Variants in SPON2 observed in about 807,000 individuals in gnomAD.
The protein encoded by SPON2 is spondin 2.
In SPON2, 32 loss-of-function variants were observed where a neutral mutation model predicts 29.9. That is an observed-to-expected ratio of 1.07 (90% CI 0.81 to 1.44). The LOEUF (loss-of-function observed/expected upper bound fraction) is 1.44. Ranked by LOEUF, SPON2 falls within the 40% of genes most tolerant of loss-of-function variation. The pLI is 0.00. For missense variants in SPON2, 541 were observed against 455.5 expected, an observed-to-expected ratio of 1.19 and a Z score of -1.71; for synonymous variants, 248 against 209.1, an observed-to-expected ratio of 1.19 and a Z score of -1.61.
chr4:1,175,230 G>A (rs1206720142), upstream of SPON2, among the ~76,000 whole-genome samples: 4 of 152,364 alleles, frequency 2.6e-5, no homozygotes, highest in Middle Eastern at 3.4e-3. Context: ...GGAAGGAGGC[G>A]CCGGGTCTGG....
At position 1,192,822 on chromosome 4, in the gene SPON2, A is replaced by G. The variant is rs1327317212; in HGVS notation, c.-239+2168T>C. On this transcript the variant is annotated intron_variant, in intron 1 of 3. Transcript: ENST00000502483. ...GGCCAAGGAGAGGCTTGCTGAGGCC[A>G]CGGCCCAGCATCAAGCCCTCACATC... Among the ~76,000 whole-genome samples, 3 of 152,282 alleles carry G rather than the reference A, an allele frequency of 2.0e-5. No homozygotes were observed. The East Asian group carries it at 5.8e-4, about 29-fold the overall frequency.
At chr4:1,169,014 G>T (rs557492228) in intron 5 of SPON2, among the ~76,000 whole-genome samples, 2 of 152,272 alleles carry the variant, frequency 1.3e-5, no homozygotes, top group East Asian at 3.9e-4. Flanking sequence ...GGCACAGCTG[G>T]CTCTGTCCGT....
At chr4:1,190,743 T>C (rs1727896061) in intron 1 of SPON2, among the ~76,000 whole-genome samples, 1 of 152,196 alleles carries the variant, frequency 6.6e-6, no homozygotes, top group Non-Finnish European at 1.5e-5. Context: ...ACATTGGAGC[T>C]GAGAAATGAG....
At chr4:1,173,577 A>C (rs1418573977), upstream of SPON2, among the ~76,000 whole-genome samples, 1 of 152,240 alleles carries the variant, frequency 6.6e-6, no homozygotes, top group African/African-American at 2.4e-5. Flanking sequence ...ATCTGGAAAC[A>C]GAGCGGAGGA....
chr4:1,205,563 G>C (rs541312824), intron 1 of SPON2, among the ~76,000 whole-genome samples: 19 of 142,586 alleles, frequency 1.3e-4, no homozygotes, highest in African/African-American at 4.6e-4. Flanking sequence ...CCTGTCCCCA[G>C]AGGCCCCATC....
chr4:1,167,574 G>C lies in SPON2; in HGVS notation c.894C>G (p.Thr298=), dbSNP rs984752290. 5.6e-6 allele frequency: 9 copies of C among 1,613,450 alleles called. No individual in the cohort carries two copies. The highest frequency in any genetic ancestry group is 2.7e-5 in the African/African-American group (2 of 74,946). The part of the protein sequence containing the change: ...LCGGHCGRLG[T]KSRTRYVRVQ... Reference sequence around the variant, plus strand: ...CCCGGACGTAGCGAGTCCTGCTCTTGGTCCCGAGCCTCCCACAGTGGCCTC... The same window carrying C: ...CCCGGACGTAGCGAGTCCTGCTCTTCGTCCCGAGCCTCCCACAGTGGCCTC... Residue 298 remains threonine (T), a synonymous_variant, in exon 6 of 6, where the codon ACC becomes ACG. Transcript: ENST00000290902.
upstream of SPON2, among the ~76,000 whole-genome samples, chr4:1,178,089 G>A (rs370739339): frequency 4.6e-4 from 69 of 151,124 alleles, no homozygotes; most frequent in East Asian, 0.011. Flanking sequence ...CAGACACCAC[G>A]GGCTCTGCAC....
At chr4:1,170,795 C>G in intron 4 of SPON2, 1 of 952,942 alleles carries the variant, frequency 1.0e-6, no homozygotes, top group Non-Finnish European at 1.6e-6. Context: ...CCGCTGTCCT[C>G]CCTGCGGTGC....
chr4:1,190,429 A>T (rs928317789), intron 1 of SPON2, among the ~76,000 whole-genome samples: 1 of 152,216 alleles, frequency 6.6e-6, no homozygotes, highest in Non-Finnish European at 1.5e-5. Context: ...ACACTTCCTC[A>T]CTCATTCAGA....
In SPON2 at chr4:1,202,221, C is replaced by A. The variant is rs549526725; in HGVS notation, c.-234+5659G>T. Among the ~76,000 whole-genome samples the A allele has an allele frequency of 1.5e-4, 23 of 152,334 alleles. No individual in the cohort carries two copies. Among genetic ancestry groups the A allele is most frequent in the African/African-American group, 4.3e-4 (18 of 41,576 alleles). ...TTCTCCTCTTCCACGATGGCCCTTG[C>A]ACGTCGCATCCTCACCGGCTGGAGG... On this transcript the variant is annotated intron_variant, in intron 1 of 3. Transcript: ENST00000509233. This position sits in a 1 kb window ranked among gnomAD's most constrained non-coding sequence, Gnocchi z 5.4.
At chr4:1,174,878 G>A (rs949428312), upstream of SPON2, among the ~76,000 whole-genome samples, 6 of 152,348 alleles carry the variant, frequency 3.9e-5, no homozygotes, top group East Asian at 1.9e-4. Context: ...CCTTGGCTGC[G>A]TATGTTACCA....
At chr4:1,178,728 C>T (rs879614598) in intron 2 of SPON2, among the ~76,000 whole-genome samples, 3 of 149,248 alleles carry the variant, frequency 2.0e-5, no homozygotes, top group Non-Finnish European at 3.0e-5. Flanking sequence ...ACTAAGCCTA[C>T]CATAACCAGT....
chr4:1,177,532 G>A (rs61167830), upstream of SPON2, among the ~76,000 whole-genome samples: 2,980 of 152,126 alleles, frequency 0.02, 96 homozygotes, highest in African/African-American at 0.069. Context: ...TGGAGCAGAC[G>A]GCATACAGGA....
At chr4:1,183,706 T>C (rs1245050347) in intron 1 of SPON2, among the ~76,000 whole-genome samples, 3 of 152,152 alleles carry the variant, frequency 2.0e-5, no homozygotes, top group East Asian at 1.9e-4. Flanking sequence ...TGTAAAGGAG[T>C]AGAATTTATT....
intron 1 of SPON2, among the ~76,000 whole-genome samples, chr4:1,186,208 T>A (rs554356128): frequency 7.0e-6 from 1 of 141,984 alleles, no homozygotes; most frequent in African/African-American, 2.7e-5. Flanking sequence ...CGGGCCACTA[T>A]ACTCCAGCTT....
intron 1 of SPON2, among the ~76,000 whole-genome samples, chr4:1,180,935 A>G (rs761603853): frequency 3.9e-5 from 6 of 152,248 alleles, no homozygotes; most frequent in Non-Finnish European, 7.3e-5. Context: ...AGCCCCAGAA[A>G]GGGAGGAGGG....
chr4:1,187,095 ATT>A (rs1727820527), intron 1 of SPON2, among the ~76,000 whole-genome samples: 1 of 152,240 alleles, frequency 6.6e-6, no homozygotes, highest in Non-Finnish European at 1.5e-5. Flanking sequence ...TAGCAGCGTT[ATT>A]CACAACAGCT....
intron 1 of SPON2, among the ~76,000 whole-genome samples, chr4:1,192,887 G>A (rs891342858): frequency 4.6e-5 from 7 of 152,192 alleles, no homozygotes; most frequent in Non-Finnish European, 1.0e-4. Flanking sequence ...AAGCAAGGCC[G>A]AGTGGAAGGA....
chr4:1,171,256 C>G lies in SPON2; in HGVS notation c.444+7G>C, dbSNP rs1488786427. 93 of 1,481,474 alleles carry G rather than the reference C, an allele frequency of 6.3e-5. No individual in the cohort carries two copies. The highest frequency in any genetic ancestry group is 8.1e-5 in the Non-Finnish European group (91 of 1,124,114). 91.8% of individuals were successfully genotyped at this position (1,481,474 alleles called of 1,614,324 possible). On this transcript the variant is annotated splice_region_variant and intron_variant, in intron 3 of 5. Transcript: ENST00000290902. ...CGGACCCCGCCCCCGGCCGGCCCCG[C>G]GCTCACCAGCGAGTGCCTGCGCTGC...
Sources: gnomAD v4.1 joint callset for allele counts (sites outside exome capture counted in the v4.1 genomes callset) on GRCh38, gnomAD v4.1.1 for gene constraint, Gnocchi (gnomAD v3.1) non-coding constraint, MANE v1.5 for transcripts, NCBI Gene and HGNC (gene_info 2026-07-23, HGNC 2026-07-21) for gene names.